Variants in STAB2 observed in about 807,000 individuals in gnomAD.
STAB2 encodes the protein stabilin-2.
In STAB2, 288 loss-of-function variants were observed where a neutral mutation model predicts 338.1. The ratio of observed to expected loss-of-function variants is 0.85; its 90% confidence interval spans 0.77 to 0.94. STAB2 has a LOEUF of 0.94. Ranked by LOEUF, STAB2 falls within the 40% of genes least tolerant of loss-of-function variation. The pLI, the probability that STAB2 is intolerant of heterozygous loss-of-function variation, is 0.00. For synonymous variants in STAB2, 1,202 were observed against 1,193.3 expected (o/e 1.01, Z -0.15); for missense variants, 3,141 against 3,210.1 (o/e 0.98, Z 0.52).
At chr12:103,696,038 C>G (rs1566023000) in intron 33 of STAB2, among the ~76,000 whole-genome samples, 194 bp downstream of exon 33, 1 of 152,156 alleles carries the variant, frequency 6.6e-6, no homozygotes, top group East Asian at 1.9e-4. Flanking sequence ...TACTCACATG[C>G]CCCTGGAATT....
Position 103,650,580 on chromosome 12 carries a change from T to A in STAB2, c.1257+2T>A. 1 of 1,612,314 alleles carries A rather than the reference T, an allele frequency of 6.2e-7. No homozygotes were observed. Among genetic ancestry groups the A allele is most frequent in the Non-Finnish European group, 8.5e-7 (1 of 1,178,612 alleles). On this transcript the variant is annotated splice_donor_variant, in intron 11 of 68. Coordinates refer to ENST00000388887, the MANE Select transcript of STAB2 (RefSeq NM_017564.10). LOFTEE classifies it high-confidence loss of function. ...GACAAGGGACTGAAAGGATTCAATG[T>A]GAGTATTTAAAATGACCCTACACCA...
At chr12:103,652,956 C>G (rs1026509028) in intron 12 of STAB2, among the ~76,000 whole-genome samples, 5 of 152,336 alleles carry the variant, frequency 3.3e-5, no homozygotes, top group African/African-American at 1.2e-4. Context: ...ATTTAGTTTT[C>G]AAGGCAACTG....
At chr12:103,681,613 C>CATTTTTTT in intron 25 of STAB2, among the ~76,000 whole-genome samples, 1 of 92,948 alleles carries the variant, frequency 1.1e-5, no homozygotes, top group Admixed American at 1.1e-4. Context: ...TTCCCCCCTA[C>CATTTTTTT]TTTTTTTTTT....
chr12:103,739,570 T>TGC (rs1181947833), intron 54 of STAB2, 102 bp downstream of exon 54: 8 of 822,738 alleles, frequency 9.7e-6, no homozygotes, highest in African/African-American at 5.7e-5. Flanking sequence ...TGTGTGTGTG[T>TGC]GTGCCCGTGC....
At chr12:103,765,913 A>G in intron 68 of STAB2, 1 of 360,290 alleles carries the variant, frequency 2.8e-6, no homozygotes, top group East Asian at 7.2e-5. Context: ...TTTCAAACCG[A>G]AAGGAGTTTT....
intron 3 of STAB2, among the ~76,000 whole-genome samples, chr12:103,602,324 G>A (rs1956966142): frequency 6.6e-6 from 1 of 152,058 alleles, no homozygotes; most frequent in Non-Finnish European, 1.5e-5. Context: ...ATCCTTTGCA[G>A]TACTCCATTC....
intron 66 of STAB2, 64 bp from the exon 67 acceptor site, chr12:103,762,210 A>C: frequency 6.3e-7 from 1 of 1,594,842 alleles, no homozygotes; most frequent in Non-Finnish European, 8.5e-7. Flanking sequence ...CGGGCCACCA[A>C]GGGTTCCCCT....
chr12:103,640,767 G>A lies in STAB2; in HGVS notation c.1040+511G>A, dbSNP rs568324182. Among the ~76,000 whole-genome samples, 10 of 152,322 alleles carry A rather than the reference G, an allele frequency of 6.6e-5. No individual in the cohort carries two copies. The South Asian group carries it at 1.7e-3, about 25-fold the overall frequency. On this transcript the variant is annotated intron_variant, in intron 9 of 68. Coordinates refer to ENST00000388887, the MANE Select transcript of STAB2 (RefSeq NM_017564.10). ...TGAGGCAAAGGCAGCTCACATGATA[G>A]AAAGAAGATGGTATTTGGACTAAAG...
chr12:103,699,194 C>T lies in STAB2; in HGVS notation c.3681C>T (p.Ser1227=), dbSNP rs1415216875. 2 of 1,613,012 alleles carry T rather than the reference C, an allele frequency of 1.2e-6. No individual in the cohort carries two copies. The highest frequency in any genetic ancestry group is 1.7e-6 in the Non-Finnish European group (2 of 1,179,300). ...ATCGTGAGACCATGCTGGGTTTCTC[C>T]TATTTCCTTAGCTTCTTTCTCCATA... is the stretch of plus-strand genomic sequence containing the variant. ...GMHRETMLGF[S]YFLSFFLHND... Residue 1227 remains serine (S), a synonymous_variant, in exon 34 of 69, where the codon TCC becomes TCT. Transcript: ENST00000388887.
intron 1 of STAB2, among the ~76,000 whole-genome samples, chr12:103,588,524 C>A (rs550386759): frequency 9.2e-5 from 14 of 152,266 alleles, no homozygotes; most frequent in Non-Finnish European, 1.9e-4. Context: ...TCATCATCAT[C>A]ATTATCACCA....
At chr12:103,700,919 A>G (rs980320785) in intron 34 of STAB2, among the ~76,000 whole-genome samples, 4 of 151,706 alleles carry the variant, frequency 2.6e-5, no homozygotes, top group African/African-American at 9.7e-5. Context: ...ATATGTATAC[A>G]TGTGCCATGC....
At chr12:103,669,673 T>C (rs1198780379) in intron 21 of STAB2, 46 bp downstream of exon 21, 1 of 1,556,036 alleles carries the variant, frequency 6.4e-7, no homozygotes, top group African/African-American at 1.4e-5. Flanking sequence ...CAAACAATAA[T>C]TTTTAGAACT....
chr12:103,650,429 AT>A (rs1873650865), intron 10 of STAB2, 66 bp from the exon 11 acceptor site: 1 of 1,439,120 alleles, frequency 6.9e-7, no homozygotes, highest in Non-Finnish European at 9.7e-7. Flanking sequence ...CTGTTGCCTG[AT>A]TTTACTCCTC....
chr12:103,669,542 T>C lies in STAB2; in HGVS notation c.2174T>C (p.Ile725Thr), dbSNP rs1308894632. 3 of 1,614,146 alleles carry C rather than the reference T, an allele frequency of 1.9e-6. No homozygotes were observed. Among genetic ancestry groups the C allele is most frequent in the Non-Finnish European group, 2.5e-6 (3 of 1,179,960 alleles). ...CARYCNATVK[I>T]PKCCKGFYGP... Reference sequence around the variant, plus strand: ...GGGAACACGCATTTTGTTTTTCAGATTCCAAAGTGCTGCAAAGGCTTCTAT... The same window carrying C: ...GGGAACACGCATTTTGTTTTTCAGACTCCAAAGTGCTGCAAAGGCTTCTAT... Residue 725 changes from isoleucine (I) to threonine (T), a missense_variant and splice_region_variant, in exon 21 of 69, where the codon ATT (isoleucine) becomes ACT (threonine). Physicochemically the swap from Ile to Thr is moderately conservative, Grantham distance 89 (BLOSUM62 -1). Coordinates refer to ENST00000388887, the MANE Select transcript of STAB2 (RefSeq NM_017564.10).
intron 32 of STAB2, 39 bp from the exon 33 acceptor site, chr12:103,695,698 C>A (rs755703898): frequency 6.2e-7 from 1 of 1,614,126 alleles, no homozygotes; most frequent in South Asian, 1.1e-5. Context: ...TACCCAGGAA[C>A]AGGAATCCCT....
rs1213496077 is a variant in STAB2 at position 103,739,472 on chromosome 12, A to T, written c.5754+4A>T. ...CCCAAGGTGGAGTAAACCAAAGGTAATTAAGACTGCAGTGATAATGTTTGG... is the reference window on the plus strand; with the variant it reads ...CCCAAGGTGGAGTAAACCAAAGGTATTTAAGACTGCAGTGATAATGTTTGG... On this transcript the variant is annotated splice_donor_region_variant and intron_variant, in intron 54 of 68. Transcript: ENST00000388887. 1.9e-6 allele frequency: 3 copies of T among 1,586,026 alleles called. No homozygotes were observed. The highest frequency in any genetic ancestry group is 2.6e-6 in the Non-Finnish European group (3 of 1,166,158).
intron 17 of STAB2, among the ~76,000 whole-genome samples, chr12:103,661,594 A>G (rs961619314): frequency 1.3e-5 from 2 of 152,100 alleles, no homozygotes; most frequent in South Asian, 2.1e-4. Flanking sequence ...TGCTAAGGAG[A>G]AAAACAGCAA....
At chr12:103,678,993 T>C (rs904643177) in intron 25 of STAB2, among the ~76,000 whole-genome samples, 2 of 152,188 alleles carry the variant, frequency 1.3e-5, no homozygotes, top group Admixed American at 1.3e-4. Flanking sequence ...CAGTCAGAAG[T>C]GTTGGAGCTC....
intron 3 of STAB2, among the ~76,000 whole-genome samples, chr12:103,619,709 T>C (rs1015133672): frequency 1.3e-5 from 2 of 152,016 alleles, no homozygotes; most frequent in Non-Finnish European, 2.9e-5. Flanking sequence ...AGGCACTTCA[T>C]TAATTGGCCC....
Sources: gnomAD v4.1 joint callset for allele counts (sites outside exome capture counted in the v4.1 genomes callset) on GRCh38, gnomAD v4.1.1 for gene constraint, MANE v1.5 for transcripts, NCBI Gene and HGNC (gene_info 2026-07-23, HGNC 2026-07-21) for gene names.